ALKBH1: variants seen among roughly 807,000 people sequenced by gnomAD.
ALKBH1 encodes the protein nucleic acid dioxygenase ALKBH1.
ALKBH1 carries 31 observed loss-of-function variants against 36.6 expected under a neutral mutation model. That is an observed-to-expected ratio of 0.85 (90% CI 0.64 to 1.14). ALKBH1 has a LOEUF of 1.14. Ranked by LOEUF, ALKBH1 falls within the 50% of genes most tolerant of loss-of-function variation. The pLI is 0.00. For synonymous variants in ALKBH1, 183 were observed against 186.6 expected (o/e 0.98, Z 0.16); for missense variants, 490 against 497.3 (o/e 0.99, Z 0.14).
chr14:77,686,199 A>G (rs1286588523), intron 3 of ALKBH1, among the ~76,000 whole-genome samples: 1 of 152,188 alleles, frequency 6.6e-6, no homozygotes, highest in Non-Finnish European at 1.5e-5. Flanking sequence ...GTTCTTGAAC[A>G]CTGTGAATAG....
chr14:77,679,987 C>T lies in ALKBH1; in HGVS notation c.456-17G>A. On this transcript the variant is annotated splice_polypyrimidine_tract_variant and intron_variant, in intron 3 of 5. Transcript: ENST00000216489. ...TCTTTATACCTGCAAAGATTGGTGACAAAAGAGGAATTATTCATGTAAAAT... is the reference window on the plus strand; with the variant it reads ...TCTTTATACCTGCAAAGATTGGTGATAAAAGAGGAATTATTCATGTAAAAT... The T allele has an allele frequency of 6.3e-7, 1 of 1,599,628 alleles. No individual in the cohort carries two copies. The highest frequency in any genetic ancestry group is 8.6e-7 in the Non-Finnish European group (1 of 1,166,952).
chr14:77,681,554 C>T (rs1000962399), intron 3 of ALKBH1, among the ~76,000 whole-genome samples: 6 of 152,182 alleles, frequency 3.9e-5, no homozygotes, highest in African/African-American at 1.4e-4. Flanking sequence ...CACATACATA[C>T]ATCAAGACCA....
chr14:77,704,607 C>T (rs2080378391), intron 1 of ALKBH1, 130 bp from the exon 2 acceptor site: 2 of 695,826 alleles, frequency 2.9e-6, no homozygotes, highest in Admixed American at 2.2e-5. Flanking sequence ...CAGAACCTTG[C>T]TCTATTGCTC....
At chr14:77,705,917 T>C (rs1380215473) in intron 1 of ALKBH1, among the ~76,000 whole-genome samples, 3 of 152,020 alleles carry the variant, frequency 2.0e-5, no homozygotes, top group Non-Finnish European at 4.4e-5. Flanking sequence ...TAGCCAGGCA[T>C]GGTGGCGCGT....
intron 2 of ALKBH1, 70 bp from the exon 3 acceptor site, chr14:77,694,970 C>T: frequency 7.9e-7 from 1 of 1,262,656 alleles, no homozygotes; most frequent in Non-Finnish European, 1.0e-6. Context: ...ATAATTTTGA[C>T]ATCTTTATAC....
At chr14:77,687,809 CCTT>C (rs1405727024) in intron 3 of ALKBH1, among the ~76,000 whole-genome samples, 5 of 147,602 alleles carry the variant, frequency 3.4e-5, no homozygotes, top group African/African-American at 1.3e-4. Context: ...GGGCCAACAG[CCTT>C]CTTTTCTATA....
At chr14:77,699,850 C>G (rs1038946188) in intron 2 of ALKBH1, among the ~76,000 whole-genome samples, 23 of 152,198 alleles carry the variant, frequency 1.5e-4, no homozygotes, top group Admixed American at 2.0e-4. Context: ...GTCAGGAGAT[C>G]AAGACCATCC....
chr14:77,692,658 C>T (rs990591625), intron 3 of ALKBH1, among the ~76,000 whole-genome samples: 21 of 151,814 alleles, frequency 1.4e-4, no homozygotes, highest in Admixed American at 7.2e-4. Context: ...CCAAATCCAC[C>T]TCTCCTCCTT....
In ALKBH1 at chr14:77,699,858, T is replaced by C. The variant is rs542484856; in HGVS notation, c.292+4511A>G. Among the ~76,000 whole-genome samples the C allele has an allele frequency of 1.5e-4, 23 of 152,122 alleles. 1 individual carries two copies. In the South Asian group the frequency reaches 4.6e-3, roughly 30 times the overall value. Reference sequence around the variant, plus strand: ...TCACGAGGTCAGGAGATCAAGACCATCCTGGCTAACACAATGAAACCCCGT... The same window carrying C: ...TCACGAGGTCAGGAGATCAAGACCACCCTGGCTAACACAATGAAACCCCGT... On this transcript the variant is annotated intron_variant, in intron 2 of 5. Transcript: ENST00000216489.
intron 2 of ALKBH1, among the ~76,000 whole-genome samples, chr14:77,702,468 G>A (rs980396586): frequency 6.6e-6 from 1 of 151,826 alleles, no homozygotes; most frequent in East Asian, 1.9e-4. Context: ...TGGTCATAAC[G>A]TATTAAGAGC....
intron 3 of ALKBH1, among the ~76,000 whole-genome samples, chr14:77,684,693 G>T (rs1359943192): frequency 2.0e-5 from 3 of 152,170 alleles, no homozygotes; most frequent in Non-Finnish European, 4.4e-5. Context: ...AACTACAGGT[G>T]TGTGCTACCA....
chr14:77,693,546 C>T (rs1225775117), intron 3 of ALKBH1, among the ~76,000 whole-genome samples: 3 of 152,124 alleles, frequency 2.0e-5, no homozygotes, highest in South Asian at 2.1e-4. Flanking sequence ...TCTCGCAGGA[C>T]GATTTATTCT....
At position 77,673,769 on chromosome 14, in the gene ALKBH1, C is replaced by A; in HGVS notation, c.*43G>T. ...CAATACACAATAACATGATCATTTA[C>A]GGTAAGCAGGTGCCTGAGTAAAAAG... On this transcript the variant is annotated 3_prime_UTR_variant, in exon 6 of 6. Coordinates refer to ENST00000216489, the MANE Select transcript of ALKBH1 (RefSeq NM_006020.3). The A allele has an allele frequency of 6.4e-7, 1 of 1,562,900 alleles. No homozygotes were observed.
chr14:77,685,769 G>C (rs185150917), intron 3 of ALKBH1, among the ~76,000 whole-genome samples: 65 of 152,138 alleles, frequency 4.3e-4, no homozygotes, highest in African/African-American at 1.5e-3. Flanking sequence ...CCCTGTCTCG[G>C]GGGGGAAAAA....
At chr14:77,684,691 G>A (rs1045070125) in intron 3 of ALKBH1, among the ~76,000 whole-genome samples, 1 of 152,186 alleles carries the variant, frequency 6.6e-6, no homozygotes, top group Admixed American at 6.5e-5. Context: ...AGAACTACAG[G>A]TGTGTGCTAC....
intron 4 of ALKBH1, among the ~76,000 whole-genome samples, chr14:77,677,513 C>T (rs1566811186): frequency 6.6e-6 from 1 of 152,162 alleles, no homozygotes; most frequent in Non-Finnish European, 1.5e-5. Context: ...TCTTTCTTTG[C>T]TAAATTAACC....
chr14:77,686,340 C>T (rs1158741749), intron 3 of ALKBH1, among the ~76,000 whole-genome samples: 4 of 152,166 alleles, frequency 2.6e-5, no homozygotes, highest in East Asian at 1.9e-4. Flanking sequence ...AGGATCAGTA[C>T]CAATACAACT....
rs533339319 is a variant in ALKBH1 at position 77,673,747 on chromosome 14, T to A, written c.*65A>T. 2 of 1,510,942 alleles carry A rather than the reference T, an allele frequency of 1.3e-6. No homozygotes were observed. The highest frequency in any genetic ancestry group is 3.8e-5 in the Admixed American group (2 of 53,000). The allele number at this position is 1,510,942 out of a possible 1,614,324, so 93.6% of individuals were successfully genotyped here. A position where few individuals can be genotyped will look rare whatever the true frequency, so the allele number is the denominator to read the frequency against. ...GTCTGGGTGCTGAAGTCCACGGCAATACACAATAACATGATCATTTACGGT... is the reference window on the plus strand; with the variant it reads ...GTCTGGGTGCTGAAGTCCACGGCAAAACACAATAACATGATCATTTACGGT... On this transcript the variant is annotated 3_prime_UTR_variant, in exon 6 of 6. Transcript: ENST00000216489.
intron 2 of ALKBH1, among the ~76,000 whole-genome samples, chr14:77,700,050 T>C (rs1274722576): frequency 6.6e-6 from 1 of 151,724 alleles, no homozygotes; most frequent in Non-Finnish European, 1.5e-5. Context: ...CAAGACTCTG[T>C]CTCAAAAAAT....
Sources: allele counts gnomAD v4.1 joint callset (sites outside exome capture counted in the v4.1 genomes callset), GRCh38; gene constraint gnomAD v4.1.1; transcripts MANE v1.5; gene names NCBI Gene and HGNC (gene_info 2026-07-23, HGNC 2026-07-21).